The following FRAS1 variants were observed in gnomAD, a reference collection of about 807,000 sequenced individuals.
FRAS1 encodes the protein extracellular matrix organizing protein FRAS1.
A neutral mutation model predicts 435.2 loss-of-function variants in FRAS1; 290 were observed. That is an observed-to-expected ratio of 0.67 (90% CI 0.61 to 0.73). FRAS1 has a LOEUF of 0.73. Among genes scored for constraint, FRAS1 ranks in the 30% least tolerant of loss-of-function variants. The probability of loss-of-function intolerance (pLI) is 0.00; values close to 1 mark genes in which losing one functional copy is unlikely to be tolerated. For missense variants in FRAS1, 4,860 were observed against 5,001.5 expected, an observed-to-expected ratio of 0.97 and a Z score of 0.85; for synonymous variants, 1,800 against 1,851.0, an observed-to-expected ratio of 0.97 and a Z score of 0.71.
At chr4:78,303,605 CT>C (rs996245779) in intron 14 of FRAS1, among the ~76,000 whole-genome samples, 8 of 152,032 alleles carry the variant, frequency 5.3e-5, no homozygotes, top group African/African-American at 1.9e-4. Flanking sequence ...GTATTTTATT[CT>C]CTTTGAAGCA....
At chr4:78,222,767 A>C (rs11098094) in intron 2 of FRAS1, among the ~76,000 whole-genome samples, 93,582 of 152,044 alleles carry the variant, frequency 0.62, 29,137 homozygotes, top group Non-Finnish European at 0.67. Context: ...TCAAAGGCAC[A>C]GCTCTGCAAA....
intron 20 of FRAS1, among the ~76,000 whole-genome samples, chr4:78,359,511 A>G (rs76267336): frequency 0.016 from 2,471 of 152,238 alleles, 28 homozygotes; most frequent in Non-Finnish European, 0.024. Flanking sequence ...ACCAACCTTG[A>G]GAGCCTAATG....
chr4:78,490,205 T>G (rs1037439575), intron 59 of FRAS1, among the ~76,000 whole-genome samples: 15 of 148,370 alleles, frequency 1.0e-4, no homozygotes, highest in African/African-American at 3.7e-4. Flanking sequence ...AAAATAATAG[T>G]GGGAGACTTT....
Position 78,309,112 on chromosome 4 carries a change from G to T in FRAS1, c.1678+903G>T, listed in dbSNP as rs77768610. On this transcript the variant is annotated intron_variant, in intron 15 of 73. Coordinates refer to ENST00000512123, the MANE Select transcript of FRAS1 (RefSeq NM_025074.7). ...TCGAGGATGGACCAGAGGTCGGAGT[G>T]ATAGAGTGAAGCAAGGAAAATGCCA... Among the ~76,000 whole-genome samples, 16 of 152,326 alleles carry T rather than the reference G, an allele frequency of 1.1e-4. No homozygotes were observed. In the East Asian group the frequency reaches 2.7e-3, roughly 26 times the overall value.
At chr4:78,506,623 C>A (rs1270730920) in intron 61 of FRAS1, among the ~76,000 whole-genome samples, 1 of 152,198 alleles carries the variant, frequency 6.6e-6, no homozygotes, top group Non-Finnish European at 1.5e-5. Flanking sequence ...AGTATTTGGG[C>A]AGGCGTGTCC....
intron 2 of FRAS1, among the ~76,000 whole-genome samples, chr4:78,129,077 T>C (rs1286210928): frequency 6.6e-6 from 1 of 152,228 alleles, no homozygotes; most frequent in South Asian, 2.1e-4. Context: ...ATATGCGGCA[T>C]TATTTCTGAG....
chr4:78,511,354 G>A lies in FRAS1; in HGVS notation c.9861G>A (p.Gly3287=), dbSNP rs746692673. Reference sequence around the variant, plus strand: ...CTGTGGACAAGGTGGGCCATGTGGGGACCCCCTTAAGGAGCAACATTGTTA... The same window carrying A: ...CTGTGGACAAGGTGGGCCATGTGGGAACCCCCTTAAGGAGCAACATTGTTA... The part of the protein sequence containing the change: ...AKAVDKVGHV[G]TPLRSNIVTI... Residue 3287 remains glycine (G), a synonymous_variant, in exon 64 of 74, where the codon GGG becomes GGA. Transcript: ENST00000512123. 31 of 1,613,722 alleles carry A rather than the reference G, an allele frequency of 1.9e-5. No homozygotes were observed. Among genetic ancestry groups the A allele is most frequent in the Non-Finnish European group, 2.6e-5 (31 of 1,179,826 alleles).
At chr4:78,135,413 T>C (rs1395858397) in intron 2 of FRAS1, among the ~76,000 whole-genome samples, 1 of 152,210 alleles carries the variant, frequency 6.6e-6, no homozygotes, top group Non-Finnish European at 1.5e-5. Flanking sequence ...GAGAACTTTC[T>C]CATAGGGACA....
At chr4:78,496,430 C>T (rs1179296201) in intron 59 of FRAS1, among the ~76,000 whole-genome samples, 5 of 152,130 alleles carry the variant, frequency 3.3e-5, no homozygotes, top group African/African-American at 1.2e-4. Context: ...GTTAAACCCC[C>T]GTCATCAGAA....
intron 14 of FRAS1, among the ~76,000 whole-genome samples, chr4:78,307,716 G>T (rs1410288442): frequency 6.6e-6 from 1 of 152,208 alleles, no homozygotes; most frequent in Non-Finnish European, 1.5e-5. Context: ...GCTTCGGCTG[G>T]CGCATGGTGC....
At chr4:78,510,562 T>G (rs1165818391) in intron 63 of FRAS1, among the ~76,000 whole-genome samples, 1 of 152,236 alleles carries the variant, frequency 6.6e-6, no homozygotes, top group African/African-American at 2.4e-5. Flanking sequence ...CACACAGAAC[T>G]ACTGATTAAT....
intron 3 of FRAS1, 142 bp from the exon 4 acceptor site, chr4:78,245,091 C>A (rs1338301764): frequency 3.1e-6 from 2 of 653,034 alleles, no homozygotes; most frequent in Non-Finnish European, 5.6e-6. Context: ...TTTTTTCAGT[C>A]TATTCATTTT....
intron 2 of FRAS1, among the ~76,000 whole-genome samples, chr4:78,146,681 C>A: frequency 6.9e-6 from 1 of 145,020 alleles, no homozygotes; most frequent in East Asian, 2.2e-4. Context: ...CATATCTTAT[C>A]ATTTCCTCTA....
At position 78,308,197 on chromosome 4, in the gene FRAS1, G is replaced by C. The variant is rs1471775157; in HGVS notation, c.1666G>C (p.Gly556Arg). The C allele has an allele frequency of 3.1e-6, 5 of 1,613,772 alleles. No individual in the cohort carries two copies. In the African/African-American group the frequency reaches 5.3e-5, roughly 17 times the overall value. ...TGGAAAAGGCTTCTACAACAGGCAG[G>C]GCACCTGTAGCGGTGAGTGCTGGGT... ...SCGKGFYNRQ[G>R]TCSACDQSCD... The change falls in exon 15 of 74, where the codon GGC becomes CGC. Residue 556 changes from glycine (G) to arginine (R), a missense_variant. Coordinates refer to ENST00000512123, the MANE Select transcript of FRAS1 (RefSeq NM_025074.7).
At chr4:78,142,775 T>C (rs567003997) in intron 2 of FRAS1, among the ~76,000 whole-genome samples, 2 of 152,292 alleles carry the variant, frequency 1.3e-5, no homozygotes, top group South Asian at 4.1e-4. Context: ...CCATGCATTG[T>C]CTAAGAAGTA....
At chr4:78,494,422 A>G (rs1364562723) in intron 59 of FRAS1, among the ~76,000 whole-genome samples, 1 of 152,148 alleles carries the variant, frequency 6.6e-6, no homozygotes, top group Admixed American at 6.6e-5. Context: ...GGGCTTCAGG[A>G]AGCTACCACT....
chr4:78,432,238 T>A, intron 37 of FRAS1, 119 bp from the exon 38 acceptor site: 1 of 971,534 alleles, frequency 1.0e-6, no homozygotes, highest in Non-Finnish European at 1.4e-6. Flanking sequence ...TGGATTAGCC[T>A]GTAACTCCCT....
At position 78,438,474 on chromosome 4, in the gene FRAS1, T is replaced by C. The variant is rs759720849; in HGVS notation, c.5218-96T>C. On this transcript the variant is annotated intron_variant, in intron 38 of 73. Transcript: ENST00000512123. Reference sequence around the variant, plus strand: ...GACAAAGAGAAAGAGACTTTTCCAATTAGCAGAGAGAGAAGCACCCATAGA... The same window carrying C: ...GACAAAGAGAAAGAGACTTTTCCAACTAGCAGAGAGAGAAGCACCCATAGA... 33 of 1,179,562 alleles carry C rather than the reference T, an allele frequency of 2.8e-5. No individual in the cohort carries two copies. The Admixed American group carries it at 3.5e-4, about 13-fold the overall frequency. 73.1% of individuals were successfully genotyped at this position (1,179,562 alleles called of 1,614,324 possible).
chr4:78,118,116 G>A (rs1718762997), intron 2 of FRAS1, among the ~76,000 whole-genome samples: 1 of 152,336 alleles, frequency 6.6e-6, no homozygotes, highest in African/African-American at 2.4e-5. Context: ...CTTTGCCTGG[G>A]TATCAGCAGC....
Sources: allele counts gnomAD v4.1 joint callset (sites outside exome capture counted in the v4.1 genomes callset), GRCh38; gene constraint gnomAD v4.1.1; transcripts MANE v1.5; gene names NCBI Gene and HGNC (gene_info 2026-07-23, HGNC 2026-07-21).